The following TMEM132D variants were observed in gnomAD, a reference collection of about 807,000 sequenced individuals.
TMEM132D encodes the protein transmembrane protein 132D, also known as mature OL transmembrane protein.
Under a neutral mutation model 62.3 loss-of-function variants are expected in TMEM132D, and 21 were observed. The observed-to-expected ratio is 0.34, with a 90% CI of 0.24 to 0.49. The LOEUF is 0.49. Among genes scored for constraint, TMEM132D ranks in the 20% least tolerant of loss-of-function variants. The probability of loss-of-function intolerance (pLI) is 0.99; values close to 1 mark genes in which losing one functional copy is unlikely to be tolerated. For synonymous variants in TMEM132D, 621 were observed against 575.6 expected, an observed-to-expected ratio of 1.08 and a Z score of -1.13; for missense variants, 1,346 against 1,402.8, an observed-to-expected ratio of 0.96 and a Z score of 0.65.
chr12:129,780,505 T>C (rs1871088860), intron 1 of TMEM132D, among the ~76,000 whole-genome samples: 1 of 152,104 alleles, frequency 6.6e-6, no homozygotes, highest in Admixed American at 6.6e-5. Flanking sequence ...ACCTTTGTGG[T>C]AGCTGAGGGG....
At chr12:129,800,589 G>C (rs1232769147) in intron 1 of TMEM132D, among the ~76,000 whole-genome samples, 1 of 152,184 alleles carries the variant, frequency 6.6e-6, no homozygotes, top group Admixed American at 6.5e-5. Flanking sequence ...GGTACCCCTT[G>C]TAGAGGCTGG....
chr12:129,865,951 T>G (rs1395508558), intron 1 of TMEM132D, among the ~76,000 whole-genome samples: 1 of 152,124 alleles, frequency 6.6e-6, no homozygotes, highest in Non-Finnish European at 1.5e-5. Flanking sequence ...GGTCTGGGGT[T>G]GTCTGGCTGT....
chr12:129,214,247 G>A (rs1035681245), intron 4 of TMEM132D, among the ~76,000 whole-genome samples: 1 of 148,314 alleles, frequency 6.7e-6, no homozygotes, highest in African/African-American at 2.5e-5. Context: ...CTGATGGATT[G>A]GAACCAGAAT....
intron 3 of TMEM132D, among the ~76,000 whole-genome samples, chr12:129,431,985 C>T (rs934598339): frequency 4.6e-5 from 7 of 152,236 alleles, no homozygotes; most frequent in South Asian, 2.1e-4. Context: ...GATGTTGCAA[C>T]GTCAGAGAGA....
intron 4 of TMEM132D, among the ~76,000 whole-genome samples, chr12:129,274,855 C>G (rs903741509): frequency 3.9e-5 from 6 of 152,152 alleles, no homozygotes; most frequent in Admixed American, 2.6e-4. Flanking sequence ...CCACTGCACT[C>G]CAGCCTGGGC....
intron 1 of TMEM132D, among the ~76,000 whole-genome samples, chr12:129,776,125 C>A (rs999097724): frequency 1.3e-5 from 2 of 152,110 alleles, no homozygotes; most frequent in Non-Finnish European, 2.9e-5. Flanking sequence ...CTATCTTCAT[C>A]CCTTTTGTCG....
chr12:129,076,390 C>A (rs1171465351), intron 8 of TMEM132D, among the ~76,000 whole-genome samples: 1 of 151,168 alleles, frequency 6.6e-6, no homozygotes, highest in Non-Finnish European at 1.5e-5. Flanking sequence ...GTTATTTAAG[C>A]TTTTGCTTGA....
At chr12:129,358,816 A>T (rs910653222) in intron 3 of TMEM132D, among the ~76,000 whole-genome samples, 3 of 152,182 alleles carry the variant, frequency 2.0e-5, no homozygotes, top group East Asian at 3.9e-4. Context: ...AAGGAACTGC[A>T]GGCACAAATG....
intron 2 of TMEM132D, among the ~76,000 whole-genome samples, chr12:129,684,625 A>T (rs1259071591): frequency 6.6e-6 from 1 of 152,074 alleles, no homozygotes; most frequent in Admixed American, 6.5e-5. Context: ...GAGATTGGAA[A>T]TGTTTGGAGG....
chr12:129,757,667 C>CA (rs2137272219), intron 1 of TMEM132D, among the ~76,000 whole-genome samples: 1 of 152,304 alleles, frequency 6.6e-6, no homozygotes, highest in East Asian at 1.9e-4. Context: ...TGCCACCCTA[C>CA]AGCAGCCACC....
intron 1 of TMEM132D, among the ~76,000 whole-genome samples, chr12:129,834,351 C>A (rs1872936027): frequency 6.6e-6 from 1 of 152,060 alleles, no homozygotes; most frequent in Non-Finnish European, 1.5e-5. Flanking sequence ...CACCATCGGG[C>A]CAGCATCAAG....
intron 3 of TMEM132D, among the ~76,000 whole-genome samples, chr12:129,352,521 G>A (rs920660620): frequency 2.0e-5 from 3 of 150,422 alleles, no homozygotes; most frequent in African/African-American, 4.9e-5. Context: ...TCTGACAAAG[G>A]TCTAATATCC....
At chr12:129,257,323 T>C (rs1009624451) in intron 4 of TMEM132D, among the ~76,000 whole-genome samples, 5 of 151,668 alleles carry the variant, frequency 3.3e-5, no homozygotes, top group Admixed American at 2.0e-4. Flanking sequence ...TCTCCTGCCT[T>C]AGCCTCCCGA....
intron 2 of TMEM132D, among the ~76,000 whole-genome samples, chr12:129,573,235 G>A (rs542455865): frequency 2.6e-5 from 4 of 152,276 alleles, no homozygotes; most frequent in African/African-American, 9.6e-5. Flanking sequence ...GCCGGGCTGG[G>A]GATGAGGAAT....
chr12:129,289,548 A>T lies in TMEM132D; in HGVS notation c.1299+48086T>A, dbSNP rs1156261427. 9.8e-5 allele frequency among the ~76,000 whole-genome samples: 8 copies of T among 81,292 alleles called. No individual in the cohort carries two copies. In the East Asian group the frequency reaches 1.3e-3, roughly 13 times the overall value. The allele number at this position is 81,292 out of a possible 152,430, so 53.3% of individuals were successfully genotyped here. ...GACAAGAGTGAAATTCCATCTCAAT[A>T]AAAAAAAAAAAAAAAAGAAAAAAAA... is the stretch of plus-strand genomic sequence containing the variant. On this transcript the variant is annotated intron_variant, in intron 4 of 8. Coordinates refer to ENST00000422113, the MANE Select transcript of TMEM132D (RefSeq NM_133448.3).
At chr12:129,814,631 A>AC (rs1555233444) in intron 1 of TMEM132D, among the ~76,000 whole-genome samples, 2 of 149,950 alleles carry the variant, frequency 1.3e-5, no homozygotes, top group East Asian at 3.9e-4. Flanking sequence ...AAAAAAAAAA[A>AC]CTAAATAAAA....
chr12:129,551,393 G>A (rs1015305881), intron 2 of TMEM132D, among the ~76,000 whole-genome samples: 3 of 152,226 alleles, frequency 2.0e-5, no homozygotes, highest in Admixed American at 2.0e-4. Flanking sequence ...CTGGGCTTAG[G>A]AAGGCATGTC....
At chr12:129,818,842 C>G (rs546858582) in intron 1 of TMEM132D, among the ~76,000 whole-genome samples, 1 of 151,862 alleles carries the variant, frequency 6.6e-6, no homozygotes, top group Admixed American at 6.6e-5. Context: ...GGAGATCAGC[C>G]TGGGCAACAT....
chr12:129,561,143 C>CTA (rs1160776622), intron 2 of TMEM132D, among the ~76,000 whole-genome samples: 1 of 152,150 alleles, frequency 6.6e-6, no homozygotes, highest in Non-Finnish European at 1.5e-5. Context: ...TCAGGGAATG[C>CTA]CTCTCTGAGA....
Sources: gnomAD v4.1 joint callset for allele counts (sites outside exome capture counted in the v4.1 genomes callset) on GRCh38, gnomAD v4.1.1 for gene constraint, MANE v1.5 for transcripts, NCBI Gene and HGNC (gene_info 2026-07-23, HGNC 2026-07-21) for gene names.